The following SLC39A8 variants were observed in gnomAD, a reference collection of about 807,000 sequenced individuals.
The protein encoded by SLC39A8 is metal cation symporter ZIP8.
Under a neutral mutation model 40.4 loss-of-function variants are expected in SLC39A8, and 15 were observed. The observed-to-expected ratio is 0.37, with a 90% CI of 0.25 to 0.57. SLC39A8 has a LOEUF of 0.57. Among genes scored for constraint, SLC39A8 ranks in the 20% least tolerant of loss-of-function variants. The pLI is 0.75. For missense variants in SLC39A8, 472 were observed against 558.8 expected (o/e 0.84, Z 1.57); for synonymous variants, 223 against 221.6 (o/e 1.01, Z -0.06).
At chr4:102,332,413 AG>A (rs1735506373) in intron 2 of SLC39A8, among the ~76,000 whole-genome samples, 1 of 152,256 alleles carries the variant, frequency 6.6e-6, no homozygotes, top group South Asian at 2.1e-4. Context: ...TATGAAAAAA[AG>A]CTCATCATCC....
At chr4:102,310,843 A>T (rs1322982835) in intron 3 of SLC39A8, among the ~76,000 whole-genome samples, 1 of 152,134 alleles carries the variant, frequency 6.6e-6, no homozygotes, top group Non-Finnish European at 1.5e-5. Flanking sequence ...ACCCTGAAAG[A>T]TTTTAATAGA....
rs187779916 is a variant in SLC39A8, at chr4:102,342,371, C to T, written c.219+2073G>A. 5.0e-3 allele frequency among the ~76,000 whole-genome samples: 759 copies of T among 152,230 alleles called. 2 individuals are homozygous for T. The highest frequency in any genetic ancestry group is 7.8e-3 in the Non-Finnish European group (529 of 68,012). ...CAAATTAGCCCGGTGTGGTGGCACA[C>T]GCCTGTAATCCCAGCTACCTGGAAG... On this transcript the variant is annotated intron_variant, in intron 2 of 8. Transcript: ENST00000356736.
chr4:102,290,978 A>G (rs1040053610), intron 6 of SLC39A8, among the ~76,000 whole-genome samples: 4 of 151,984 alleles, frequency 2.6e-5, no homozygotes, highest in Non-Finnish European at 4.4e-5. Flanking sequence ...AATGTGCTCC[A>G]TAAGATATCC....
downstream of SLC39A8, among the ~76,000 whole-genome samples, chr4:102,257,969 TGGGA>T (rs1289078546): frequency 6.6e-6 from 1 of 152,142 alleles, no homozygotes; most frequent in Non-Finnish European, 1.5e-5. Flanking sequence ...GCAGTGTGGG[TGGGA>T]GGGCTTTTGT....
chr4:102,257,455 C>A (rs2148998930), downstream of SLC39A8, among the ~76,000 whole-genome samples: 1 of 152,298 alleles, frequency 6.6e-6, no homozygotes, highest in South Asian at 2.1e-4. Flanking sequence ...TTGTAAGAAG[C>A]TTTTCTGTAG....
chr4:102,278,750 C>T (rs1490603724), intron 6 of SLC39A8, among the ~76,000 whole-genome samples: 1 of 152,106 alleles, frequency 6.6e-6, no homozygotes, highest in African/African-American at 2.4e-5. Flanking sequence ...AAATGCCCAT[C>T]AATGATAGAA....
At position 102,344,743 on chromosome 4, in the gene SLC39A8, C is replaced by A. The variant is rs537167543; in HGVS notation, c.-81G>T. ...GCGCGGGCGCACTGGCGTCCTTGCCCAAGGGCGGGAGCGTCAGTGCTCGGC... is the reference window on the plus strand; with the variant it reads ...GCGCGGGCGCACTGGCGTCCTTGCCAAAGGGCGGGAGCGTCAGTGCTCGGC... On this transcript the variant is annotated 5_prime_UTR_variant, in exon 2 of 9. Coordinates refer to ENST00000356736, the MANE Select transcript of SLC39A8 (RefSeq NM_001135146.2). 9 of 1,362,736 alleles carry A rather than the reference C, an allele frequency of 6.6e-6. No homozygotes were observed. In the South Asian group the frequency reaches 1.6e-4, roughly 24 times the overall value. The allele number at this position is 1,362,736 out of a possible 1,614,324, so 84.4% of individuals were successfully genotyped here.
intron 6 of SLC39A8, among the ~76,000 whole-genome samples, chr4:102,276,680 A>T (rs28878843): frequency 0.031 from 4,653 of 152,288 alleles, 281 homozygotes; most frequent in African/African-American, 0.11. Flanking sequence ...GTAGAGACAA[A>T]ACAAAAAAAG....
chr4:102,282,979 G>A (rs771192364), intron 6 of SLC39A8, among the ~76,000 whole-genome samples: 1 of 152,190 alleles, frequency 6.6e-6, no homozygotes, highest in Non-Finnish European at 1.5e-5. Context: ...ACCTGCCTCA[G>A]CCTCCCAAAG....
chr4:102,320,759 T>C (rs1734929310), intron 2 of SLC39A8, among the ~76,000 whole-genome samples: 2 of 139,152 alleles, frequency 1.4e-5, no homozygotes, highest in Non-Finnish European at 3.1e-5. Context: ...TATGAGAGTA[T>C]ATATATATGA....
chr4:102,269,366 T>A (rs1335142985), intron 6 of SLC39A8, among the ~76,000 whole-genome samples: 1 of 152,252 alleles, frequency 6.6e-6, no homozygotes, highest in Admixed American at 6.5e-5. Flanking sequence ...TTTTGTTTGT[T>A]TGTAGGCACA....
In SLC39A8 at chr4:102,262,630, T is replaced by C; in HGVS notation, c.*414A>G. ...TGCTCTTGAAAGCACTAGAACAAAT[T>C]AATTGAAATAAAACCTCTCTGAAAC... On this transcript the variant is annotated 3_prime_UTR_variant, in exon 9 of 9. Transcript: ENST00000356736. 1 of 986,990 alleles carries C rather than the reference T, an allele frequency of 1.0e-6. No homozygotes were observed. The highest frequency in any genetic ancestry group is 1.2e-6 in the Non-Finnish European group (1 of 830,942). 61.1% of individuals were successfully genotyped at this position (986,990 alleles called of 1,614,324 possible). A position where few individuals can be genotyped will look rare whatever the true frequency, so the allele number is the denominator to read the frequency against.
At chr4:102,302,487 A>G (rs1560548077) in intron 6 of SLC39A8, among the ~76,000 whole-genome samples, 2 of 152,098 alleles carry the variant, frequency 1.3e-5, no homozygotes, top group Non-Finnish European at 2.9e-5. Flanking sequence ...CTCGCATTAA[A>G]TAATATATCC....
intron 2 of SLC39A8, among the ~76,000 whole-genome samples, chr4:102,339,045 G>A (rs143550296): frequency 2.0e-5 from 3 of 152,244 alleles, no homozygotes; most frequent in African/African-American, 7.2e-5. Flanking sequence ...AATCACACCT[G>A]GCATCAAGGC....
chr4:102,304,282 C>A, intron 6 of SLC39A8, 35 bp downstream of exon 6: 1 of 1,536,732 alleles, frequency 6.5e-7, no homozygotes, highest in Non-Finnish European at 9.0e-7. Flanking sequence ...ATAAAGAATG[C>A]AGTATAATGA....
chr4:102,307,516 A>C lies in SLC39A8; in HGVS notation c.472T>G (p.Phe158Val). The C allele has an allele frequency of 1.9e-6, 3 of 1,613,566 alleles. No individual in the cohort carries two copies. The highest frequency in any genetic ancestry group is 2.5e-6 in the Non-Finnish European group (3 of 1,179,644). ...ILTPLIKKSY[F>V]PKILTFFVGL... is the part of the protein sequence containing the mutation. ...ACAAAAAAGGTCAAAATCTTTGGGAAATAAGATTTCTTTATCAGTGGAGTC... is the reference window on the plus strand; with the variant it reads ...ACAAAAAAGGTCAAAATCTTTGGGACATAAGATTTCTTTATCAGTGGAGTC... The change falls in exon 4 of 9, where the codon TTC (phenylalanine) becomes GTC (valine). Residue 158 changes from phenylalanine to valine, a missense_variant. Coordinates refer to ENST00000356736, the MANE Select transcript of SLC39A8 (RefSeq NM_001135146.2).
intron 6 of SLC39A8, among the ~76,000 whole-genome samples, chr4:102,271,652 T>C (rs1346068968): frequency 1.3e-5 from 2 of 152,164 alleles, no homozygotes; most frequent in East Asian, 1.9e-4. Context: ...CCTCCCATTA[T>C]AAGGGGATGC....
In SLC39A8 at chr4:102,315,904, A is replaced by G. The variant is rs993647596; in HGVS notation, c.220-74T>C. The G allele has an allele frequency of 6.2e-6, 8 of 1,280,700 alleles. No individual in the cohort carries two copies. In the African/African-American group the frequency reaches 1.1e-4, roughly 17 times the overall value. 79.3% of individuals were successfully genotyped at this position (1,280,700 alleles called of 1,614,324 possible). A position where few individuals can be genotyped will look rare whatever the true frequency, so the allele number is the denominator to read the frequency against. Reference sequence around the variant, plus strand: ...ACATAAGCAAAGATGCTATAAAGAGACACAGACTATTTCATCTAGATGCAC... The same window carrying G: ...ACATAAGCAAAGATGCTATAAAGAGGCACAGACTATTTCATCTAGATGCAC... On this transcript the variant is annotated intron_variant, in intron 2 of 8. Coordinates refer to ENST00000356736, the MANE Select transcript of SLC39A8 (RefSeq NM_001135146.2).
chr4:102,271,762 A>G (rs1260350621), intron 6 of SLC39A8, among the ~76,000 whole-genome samples: 1 of 152,228 alleles, frequency 6.6e-6, no homozygotes, highest in Non-Finnish European at 1.5e-5. Flanking sequence ...CAACTGATAT[A>G]TAGCCAAGGT....
Sources: gnomAD v4.1 joint callset for allele counts (sites outside exome capture counted in the v4.1 genomes callset) on GRCh38, gnomAD v4.1.1 for gene constraint, MANE v1.5 for transcripts, NCBI Gene and HGNC (gene_info 2026-07-23, HGNC 2026-07-21) for gene names.